The following MAGI2 variants were observed in gnomAD, a reference collection of about 807,000 sequenced individuals.
The protein encoded by MAGI2 is membrane-associated guanylate kinase, WW and PDZ domain-containing protein 2.
Under a neutral mutation model 133.3 loss-of-function variants are expected in MAGI2, and 35 were observed. The observed-to-expected ratio is 0.26, with a 90% confidence interval of 0.20 to 0.35. MAGI2 has a LOEUF of 0.35. Ranked by LOEUF, MAGI2 falls within the 10% of genes least tolerant of loss-of-function variation. The pLI is 1.00. For missense variants in MAGI2, 1,636 were observed against 1,863.4 expected (o/e 0.88, Z 2.25); for synonymous variants, 729 against 710.6 (o/e 1.03, Z -0.41).
chr7:78,516,260 G>A (rs1002238776), intron 4 of MAGI2, among the ~76,000 whole-genome samples: 31 of 152,200 alleles, frequency 2.0e-4, no homozygotes, highest in Admixed American at 2.0e-4. Context: ...CTTGTCAAAT[G>A]TAACAGGACC....
intron 2 of MAGI2, among the ~76,000 whole-genome samples, chr7:78,696,728 G>A (rs538976257): frequency 1.4e-4 from 21 of 152,166 alleles, no homozygotes; most frequent in African/African-American, 5.1e-4. Flanking sequence ...CTGATCAACA[G>A]AATGTAAGAG....
chr7:78,027,016 CAG>C (rs1443252494), intron 21 of MAGI2, among the ~76,000 whole-genome samples: 2 of 152,056 alleles, frequency 1.3e-5, no homozygotes, highest in Admixed American at 6.5e-5. Context: ...GATGAGGAAA[CAG>C]AGACACAGAG....
At chr7:79,201,813 A>T (rs1408647920) in intron 1 of MAGI2, among the ~76,000 whole-genome samples, 1 of 152,010 alleles carries the variant, frequency 6.6e-6, no homozygotes, top group Non-Finnish European at 1.5e-5. Flanking sequence ...CTAACATCTA[A>T]TAGTTCAAAT....
chr7:79,285,650 T>C (rs768938930), intron 1 of MAGI2, among the ~76,000 whole-genome samples: 2 of 152,094 alleles, frequency 1.3e-5, no homozygotes, highest in Non-Finnish European at 2.9e-5. Flanking sequence ...AATGGAACAC[T>C]AAAATCTTGA....
At position 78,637,120 on chromosome 7, in the gene MAGI2, A is replaced by G. The variant is rs899198526; in HGVS notation, c.419-9881T>C. ...CAACAATCCATAAAGCATGCAGGTC[A>G]TGACTTTGGCATTGGCCCTGGAGTA... On this transcript the variant is annotated intron_variant, in intron 2 of 21. Transcript: ENST00000354212. 7.9e-5 allele frequency among the ~76,000 whole-genome samples: 12 copies of G among 152,340 alleles called. No homozygotes were observed. The East Asian group carries it at 1.5e-3, about 20-fold the overall frequency.
chr7:78,764,552 C>T (rs1824821099), intron 2 of MAGI2, among the ~76,000 whole-genome samples: 1 of 152,042 alleles, frequency 6.6e-6, no homozygotes, highest in South Asian at 2.1e-4. Flanking sequence ...GATTTTTTCC[C>T]CCCATCCCAA....
chr7:78,084,581 C>T (rs1305240188), intron 20 of MAGI2, among the ~76,000 whole-genome samples: 2 of 152,210 alleles, frequency 1.3e-5, no homozygotes. Flanking sequence ...ATGGTACTTA[C>T]AGGAGACCAA....
intron 16 of MAGI2, among the ~76,000 whole-genome samples, chr7:78,140,795 C>T (rs1220021044): frequency 2.6e-5 from 4 of 152,166 alleles, no homozygotes; most frequent in Admixed American, 6.5e-5. Flanking sequence ...TAATAACAGG[C>T]ACTATGCTAG....
At chr7:78,360,932 C>T (rs1259246696) in intron 7 of MAGI2, among the ~76,000 whole-genome samples, 1 of 152,180 alleles carries the variant, frequency 6.6e-6, no homozygotes, top group Non-Finnish European at 1.5e-5. Flanking sequence ...GTGAGCATTC[C>T]TGCCCTCTCT....
intron 1 of MAGI2, among the ~76,000 whole-genome samples, chr7:79,082,243 T>C (rs1272526679): frequency 1.3e-5 from 2 of 152,110 alleles, no homozygotes; most frequent in Non-Finnish European, 2.9e-5. Flanking sequence ...TATATCTATC[T>C]TTTCTTTAGT....
intron 2 of MAGI2, among the ~76,000 whole-genome samples, chr7:78,927,225 A>T (rs1799771869): frequency 6.6e-6 from 1 of 151,958 alleles, no homozygotes; most frequent in Admixed American, 6.6e-5. Flanking sequence ...GGGCCACTTA[A>T]ATTCTCTAGA....
At chr7:79,331,111 C>A (rs1162317768) in intron 1 of MAGI2, among the ~76,000 whole-genome samples, 3 of 152,128 alleles carry the variant, frequency 2.0e-5, no homozygotes, top group African/African-American at 7.2e-5. Flanking sequence ...TGAGTGCGTA[C>A]TTGAATTTCA....
chr7:78,334,058 C>G (rs1789505718), intron 9 of MAGI2, among the ~76,000 whole-genome samples: 1 of 152,192 alleles, frequency 6.6e-6, no homozygotes, highest in African/African-American at 2.4e-5. Flanking sequence ...GGTGGAAAAA[C>G]AAGCCAGAAA....
intron 1 of MAGI2, among the ~76,000 whole-genome samples, chr7:79,379,976 C>T (rs1187096949): frequency 1.3e-5 from 2 of 151,374 alleles, no homozygotes; most frequent in African/African-American, 4.8e-5. Context: ...CCCTTCCTTA[C>T]ATCTTACACA....
At chr7:78,990,777 G>A (rs1473175341) in intron 2 of MAGI2, among the ~76,000 whole-genome samples, 1 of 151,968 alleles carries the variant, frequency 6.6e-6, no homozygotes, top group African/African-American at 2.4e-5. Context: ...TTAAAAATCT[G>A]TGTTCTATCA....
chr7:78,461,282 G>A (rs1789959471), intron 6 of MAGI2, among the ~76,000 whole-genome samples: 1 of 152,106 alleles, frequency 6.6e-6, no homozygotes, highest in South Asian at 2.1e-4. Context: ...AGCACTCTAA[G>A]AGAGGGTTTG....
intron 2 of MAGI2, among the ~76,000 whole-genome samples, chr7:78,700,230 G>A (rs1177201814): frequency 1.3e-5 from 2 of 152,116 alleles, no homozygotes; most frequent in Non-Finnish European, 2.9e-5. Context: ...CTTAATGGTA[G>A]GAGATAGAGA....
intron 1 of MAGI2, among the ~76,000 whole-genome samples, chr7:79,403,519 T>G (rs950293673): frequency 5.9e-5 from 9 of 152,032 alleles, no homozygotes; most frequent in Non-Finnish European, 1.3e-4. Flanking sequence ...AAATATATAT[T>G]TTAGGTGCAA....
rs557458768 is a variant in MAGI2, at chr7:78,334,403, A to T, written c.1408+9375T>A. Among the ~76,000 whole-genome samples, 8 of 152,332 alleles carry T rather than the reference A, an allele frequency of 5.3e-5. No homozygotes were observed. In the East Asian group the frequency reaches 1.5e-3, roughly 29 times the overall value. The stretch of plus-strand genomic sequence containing the variant: ...TAATGCTATGGGATAGAATTTCCTG[A>T]AACAGTGCTAAAACCCCCAAAGTGA... On this transcript the variant is annotated intron_variant, in intron 9 of 21. Transcript: ENST00000354212.
Sources: gnomAD v4.1 joint callset for allele counts (sites outside exome capture counted in the v4.1 genomes callset) on GRCh38, gnomAD v4.1.1 for gene constraint, MANE v1.5 for transcripts, NCBI Gene and HGNC (gene_info 2026-07-23, HGNC 2026-07-21) for gene names.